The following ADAMTS16 variants were observed in gnomAD, a reference collection of about 807,000 sequenced individuals.
ADAMTS16 encodes ADAM metallopeptidase with thrombospondin type 1 motif 16, also known as A disintegrin and metalloproteinase with thrombospondin motifs 16.
In ADAMTS16, 94 loss-of-function variants were observed where a neutral mutation model predicts 145.8. The observed-to-expected ratio is 0.64, with a 90% CI of 0.55 to 0.77. The LOEUF is 0.77. Among genes scored for constraint, ADAMTS16 ranks in the 30% least tolerant of loss-of-function variants. The probability of loss-of-function intolerance (pLI) is 0.00; values close to 1 mark genes in which losing one functional copy is unlikely to be tolerated. For missense variants in ADAMTS16, 1,585 were observed against 1,591.5 expected (o/e 1.00, Z 0.07); for synonymous variants, 659 against 604.3 (o/e 1.09, Z -1.33).
chr5:5,226,631 T>C (rs1427873388), intron 11 of ADAMTS16, among the ~76,000 whole-genome samples: 1 of 152,124 alleles, frequency 6.6e-6, no homozygotes, highest in Non-Finnish European at 1.5e-5. Flanking sequence ...TCAGTTTAGA[T>C]GTGTGTGTGG....
chr5:5,304,785 T>C (rs1169375854), intron 20 of ADAMTS16, among the ~76,000 whole-genome samples: 1 of 151,976 alleles, frequency 6.6e-6, no homozygotes, highest in East Asian at 1.9e-4. Context: ...ACCTGGAGGG[T>C]AGGAATGAGT....
chr5:5,209,709 A>G (rs969362817), intron 10 of ADAMTS16, among the ~76,000 whole-genome samples: 4 of 152,176 alleles, frequency 2.6e-5, no homozygotes, highest in Non-Finnish European at 5.9e-5. Context: ...ATAGAAGGTA[A>G]TACCTACTCC....
chr5:5,206,903 G>A (rs1202052358), intron 9 of ADAMTS16, among the ~76,000 whole-genome samples: 2 of 152,150 alleles, frequency 1.3e-5, no homozygotes, highest in South Asian at 2.1e-4. Context: ...ATTTATGTGG[G>A]TGGATTATTG....
At chr5:5,258,669 G>C (rs1376582431) in intron 17 of ADAMTS16, among the ~76,000 whole-genome samples, 1 of 152,194 alleles carries the variant, frequency 6.6e-6, no homozygotes, top group East Asian at 1.9e-4. Flanking sequence ...AGAACAGCAG[G>C]TGGATGGTCC....
At chr5:5,294,097 A>T (rs1168106054) in intron 18 of ADAMTS16, among the ~76,000 whole-genome samples, 1 of 152,234 alleles carries the variant, frequency 6.6e-6, no homozygotes, top group Non-Finnish European at 1.5e-5. Context: ...TCTTCTTGGC[A>T]GCAGAGTGGA....
At chr5:5,191,334 G>A (rs1386616002) in intron 7 of ADAMTS16, among the ~76,000 whole-genome samples, 2 of 152,112 alleles carry the variant, frequency 1.3e-5, no homozygotes, top group Non-Finnish European at 1.5e-5. Flanking sequence ...TGGGAACATA[G>A]GTGTTTAGAA....
intron 18 of ADAMTS16, among the ~76,000 whole-genome samples, chr5:5,280,751 T>A (rs1738871552): frequency 6.6e-6 from 1 of 152,164 alleles, no homozygotes; most frequent in African/African-American, 2.4e-5. Flanking sequence ...AATAATAAAT[T>A]GAAGTTAAAG....
intron 21 of ADAMTS16, among the ~76,000 whole-genome samples, chr5:5,313,913 C>T: frequency 6.6e-6 from 1 of 152,260 alleles, no homozygotes; most frequent in East Asian, 1.9e-4. Context: ...CACACTAAAT[C>T]TGCTGTCATC....
rs747859566 is a variant in ADAMTS16 at position 5,182,258 on chromosome 5, G to A, written c.716G>A (p.Arg239His). ...AHQPLHSSDL[R>H]LGLPQKQHFC... ...CAACCCCTGCACAGCAGCGACCTTC[G>A]CCTGGGACTGCCACAAAAGCAGCAT... is the stretch of plus-strand genomic sequence containing the variant. The change falls in exon 4 of 23, where the codon CGC (arginine) becomes CAC (histidine). Residue 239 changes from arginine to histidine, a missense_variant. Physicochemically the swap from Arg to His is conservative, Grantham distance 29 (BLOSUM62 0). Around this residue, in one of 3 missense-constraint regions of ADAMTS16, gnomAD observed 453 missense variants for 412.1 expected, o/e 1.10. Transcript: ENST00000274181. The A allele has an allele frequency of 2.4e-5, 39 of 1,613,696 alleles. No homozygotes were observed. Among genetic ancestry groups the A allele is most frequent in the Middle Eastern group, 3.3e-4 (2 of 6,084 alleles).
intron 18 of ADAMTS16, among the ~76,000 whole-genome samples, chr5:5,277,690 A>C (rs1738756012): frequency 6.6e-6 from 1 of 152,202 alleles, no homozygotes; most frequent in Admixed American, 6.5e-5. Context: ...ATTTACAAAG[A>C]CTAAGCTGGG....
At position 5,186,231 on chromosome 5, in the gene ADAMTS16, G is replaced by T; in HGVS notation, c.943G>T (p.Val315Leu). 1 of 1,613,568 alleles carries T rather than the reference G, an allele frequency of 6.2e-7. No individual in the cohort carries two copies. The highest frequency in any genetic ancestry group is 8.5e-7 in the Non-Finnish European group (1 of 1,180,000). Residue 315 changes from valine to leucine, a missense_variant, in exon 5 of 23, where the codon GTG becomes TTG. By Grantham distance (32) the Val-to-Leu change is conservative. Around this residue, in one of 3 missense-constraint regions of ADAMTS16, gnomAD observed 453 missense variants for 412.1 expected, o/e 1.10. Coordinates refer to ENST00000274181, the MANE Select transcript of ADAMTS16 (RefSeq NM_139056.4). ...NHGHENITTYVLTILNMVSAL... is the reference protein window; with the variant it reads ...NHGHENITTYLLTILNMVSAL... The stretch of plus-strand genomic sequence containing the variant: ...TGGCCATGAAAATATCACCACCTAC[G>T]TGCTCACGATACTCAACATGGTAGG...
chr5:5,276,851 A>C (rs751247675), intron 18 of ADAMTS16, among the ~76,000 whole-genome samples: 2 of 145,270 alleles, frequency 1.4e-5, no homozygotes, highest in Non-Finnish European at 3.0e-5. Context: ...GCCAAAAACA[A>C]GAAACAAAAC....
intron 3 of ADAMTS16, among the ~76,000 whole-genome samples, chr5:5,165,628 C>T (rs1312136277): frequency 2.0e-5 from 3 of 152,084 alleles, no homozygotes; most frequent in African/African-American, 7.2e-5. Flanking sequence ...AGGAGAAGTA[C>T]CACTAGTGTC....
intron 10 of ADAMTS16, among the ~76,000 whole-genome samples, chr5:5,212,730 C>A (rs1736310512): frequency 6.6e-6 from 1 of 152,056 alleles, no homozygotes; most frequent in South Asian, 2.1e-4. Flanking sequence ...CTTTTCTGTT[C>A]ATTGAAACAA....
chr5:5,221,062 G>T (rs13355965), intron 10 of ADAMTS16, among the ~76,000 whole-genome samples: 5 of 151,804 alleles, frequency 3.3e-5, no homozygotes, highest in African/African-American at 1.2e-4. Context: ...CTAGTCTCCC[G>T]TTCTGACCTA....
At chr5:5,185,289 C>T (rs1356595112) in intron 4 of ADAMTS16, among the ~76,000 whole-genome samples, 2 of 152,202 alleles carry the variant, frequency 1.3e-5, no homozygotes, top group Admixed American at 1.3e-4. Context: ...ATTTTGTGTG[C>T]ATGCCACCTA....
chr5:5,201,808 A>G (rs1735965327), intron 9 of ADAMTS16, among the ~76,000 whole-genome samples: 1 of 152,176 alleles, frequency 6.6e-6, no homozygotes, highest in Non-Finnish European at 1.5e-5. Context: ...CAAACTGAGA[A>G]CTAAGAACAA....
At chr5:5,208,885 T>C (rs1198929441) in intron 9 of ADAMTS16, among the ~76,000 whole-genome samples, 1 of 152,210 alleles carries the variant, frequency 6.6e-6, no homozygotes, top group African/African-American at 2.4e-5. Context: ...AGGTACAATG[T>C]ATAATAAACA....
rs770498104 is a variant in ADAMTS16, at chr5:5,278,791, C to T, written c.2789+16008C>T. Among the ~76,000 whole-genome samples, 240 of 151,894 alleles carry T rather than the reference C, an allele frequency of 1.6e-3. 1 individual carries two copies. Among genetic ancestry groups the T allele is most frequent in the Non-Finnish European group, 2.5e-3 (167 of 68,014 alleles). On this transcript the variant is annotated intron_variant, in intron 18 of 22. Transcript: ENST00000274181. Reference sequence around the variant, plus strand: ...ATATGCTTAGACTTTATGTTTATTTCTCTTTTTGTTTATTTATAGATGTTT... The same window carrying T: ...ATATGCTTAGACTTTATGTTTATTTTTCTTTTTGTTTATTTATAGATGTTT...
Sources: allele counts gnomAD v4.1 joint callset (sites outside exome capture counted in the v4.1 genomes callset), GRCh38; gene constraint gnomAD v4.1.1; regional missense constraint gnomAD v4.1.1; transcripts MANE v1.5; gene names NCBI Gene and HGNC (gene_info 2026-07-23, HGNC 2026-07-21).